The following ACADVL variants were observed in gnomAD, a reference collection of about 807,000 sequenced individuals.
The protein encoded by ACADVL is very long-chain acyl-CoA dehydrogenase, mitochondrial.
Under a neutral mutation model 80.4 loss-of-function variants are expected in ACADVL, and 73 were observed. The ratio of observed to expected loss-of-function variants is 0.91; its 90% confidence interval spans 0.75 to 1.10. The LOEUF is 1.10. ACADVL is among the 50% of genes least tolerant of loss of function. ACADVL has a pLI of 0.00. For missense variants in ACADVL, 878 were observed against 858.9 expected (o/e 1.02, Z -0.28); for synonymous variants, 392 against 326.5 (o/e 1.20, Z -2.16).
Position 7,220,788 on chromosome 17 carries a change from G to A in ACADVL, c.300G>A (p.Gln100=), listed in dbSNP as rs1268173973. ...YPSVLNEEQT[Q]FLKELVEPVS... ...CAGTGCTCAACGAAGAGCAGACACAGTTTCTTAAAGAGCTGGTGGAGCCTG... is the reference window on the plus strand; with the variant it reads ...CAGTGCTCAACGAAGAGCAGACACAATTTCTTAAAGAGCTGGTGGAGCCTG... Residue 100 remains glutamine (Q), a synonymous_variant, in exon 5 of 20, where the codon CAG becomes CAA. Transcript: ENST00000356839. 6.2e-7 allele frequency: 1 copy of A among 1,614,144 alleles called. No homozygotes were observed.
Position 7,220,162 on chromosome 17 carries a change from C to G in ACADVL, c.103C>G (p.Pro35Ala). ...TALLGQPRPG[P>A]ARRPYAGGAA... Reference sequence around the variant, plus strand: ...GCTCCTGGGGCAGCCCCGGCCCGGCCCTGCCCGGCGGCCCTATGCCGGGGG... The same window carrying G: ...GCTCCTGGGGCAGCCCCGGCCCGGCGCTGCCCGGCGGCCCTATGCCGGGGG... The change falls in exon 2 of 20, where the codon CCT becomes GCT. Residue 35 changes from proline to alanine, a missense_variant. Pro to Ala is a conservative substitution (Grantham distance 27). Coordinates refer to ENST00000356839, the MANE Select transcript of ACADVL (RefSeq NM_000018.4). The G allele has an allele frequency of 6.5e-7, 1 of 1,540,432 alleles. No individual in the cohort carries two copies.
chr17:7,223,710 A>T lies in ACADVL; in HGVS notation c.1249A>T (p.Ile417Phe). The T allele has an allele frequency of 6.2e-7, 1 of 1,614,132 alleles. No individual in the cohort carries two copies. The highest frequency in any genetic ancestry group is 8.5e-7 in the Non-Finnish European group (1 of 1,180,030). Residue 417 changes from isoleucine to phenylalanine, a missense_variant, in exon 12 of 20, where the codon ATC (isoleucine) becomes TTC (phenylalanine). By Grantham distance (21) the Ile-to-Phe change is conservative. Transcript: ENST00000356839. The part of the protein sequence containing the change: ...GATDFQIEAA[I>F]SKIFGSEAAW... ...CACGGACTTCCAGATAGAGGCCGCCATCAGCAAAATCTTTGGCTCGGTGAG... is the reference window on the plus strand; with the variant it reads ...CACGGACTTCCAGATAGAGGCCGCCTTCAGCAAAATCTTTGGCTCGGTGAG...
chr17:7,222,460 T>C, intron 9 of ACADVL, 158 bp downstream of exon 9: 2 of 1,283,080 alleles, frequency 1.6e-6, no homozygotes, highest in Non-Finnish European at 2.1e-6. Context: ...TGAGCTAAAG[T>C]TTTGGCTCCA....
At chr17:7,222,958 C>A in intron 10 of ACADVL, 93 bp downstream of exon 10, 2 of 1,509,846 alleles carry the variant, frequency 1.3e-6, no homozygotes, top group South Asian at 1.1e-5. Context: ...GCACTCCCTA[C>A]ACTAGAAACT....
chr17:7,217,850 C>T (rs1378735001), upstream of ACADVL: 2 of 1,529,022 alleles, frequency 1.3e-6, no homozygotes, highest in Non-Finnish European at 1.8e-6. Flanking sequence ...AAGGAAGCAT[C>T]TATAGTTGGG....
At chr17:7,222,906 G>A (rs2071300061) in intron 10 of ACADVL, 41 bp downstream of exon 10, 1 of 1,601,404 alleles carries the variant, frequency 6.2e-7, no homozygotes, top group Non-Finnish European at 8.5e-7. Flanking sequence ...CCAAACAGAA[G>A]TCTCACTGTC....
chr17:7,217,604 G>C, upstream of ACADVL: 1 of 1,378,204 alleles, frequency 7.3e-7, no homozygotes, highest in Non-Finnish European at 9.5e-7. Context: ...CCGTGGAGCC[G>C]AAGAGGGAAG....
rs1350421513 is a variant in ACADVL, at chr17:7,224,495, G to A, written c.1621G>A (p.Glu541Lys). The A allele has an allele frequency of 1.2e-6, 2 of 1,613,620 alleles. No homozygotes were observed. Among genetic ancestry groups the A allele is most frequent in the African/African-American group, 1.3e-5 (1 of 74,896 alleles). Residue 541 changes from glutamate (E) to lysine (K), a missense_variant, in exon 17 of 20, where the codon GAG (glutamate) becomes AAG (lysine). Glu to Lys is a moderately conservative substitution (Grantham distance 56). Transcript: ENST00000356839. ...ATCTCTTAAGGCAGTACGGGCTCTG[G>A]AGCAGTTTGCCACTGTGGTGGAGGC... is the stretch of plus-strand genomic sequence containing the variant. ...RSGELAVRALEQFATVVEAKL... is the reference protein window; with the variant it reads ...RSGELAVRALKQFATVVEAKL...
chr17:7,222,671 C>A lies in ACADVL; in HGVS notation c.883C>A (p.Pro295Thr). The A allele has an allele frequency of 1.2e-6, 2 of 1,613,356 alleles. No individual in the cohort carries two copies. Among genetic ancestry groups the A allele is most frequent in the South Asian group, 1.1e-5 (1 of 90,942 alleles). The change falls in exon 10 of 20, where the codon CCC becomes ACC. Residue 295 changes from proline to threonine, a missense_variant. Physicochemically the swap from Pro to Thr is conservative, Grantham distance 38. Coordinates refer to ENST00000356839, the MANE Select transcript of ACADVL (RefSeq NM_000018.4). ...TCCCACACTGCCCTGACACAGTGGGCCCCCTGAGAAGAAGATGGGCATCAA... is the reference window on the plus strand; with the variant it reads ...TCCCACACTGCCCTGACACAGTGGGACCCCTGAGAAGAAGATGGGCATCAA... ...ERGFGGITHG[P>T]PEKKMGIKAS...
Position 7,224,323 on chromosome 17 carries a change from G to T in ACADVL, c.1535G>T (p.Arg512Leu). ...GTCATTCTCCCTCTTCCTCTCAGGC[G>T]GGCAGGGCTGGGCAGCGGCCTGAGT... ...LGEAGKQLRR[R>L]AGLGSGLSLS... is the part of the protein sequence containing the mutation. Residue 512 changes from arginine to leucine, a missense_variant and splice_region_variant, in exon 16 of 20, where the codon CGG becomes CTG. Physicochemically the swap from Arg to Leu is moderately radical, Grantham distance 102. Coordinates refer to ENST00000356839, the MANE Select transcript of ACADVL (RefSeq NM_000018.4). The T allele has an allele frequency of 6.2e-7, 1 of 1,613,788 alleles. No homozygotes were observed.
In ACADVL at chr17:7,224,076, C is replaced by G. The variant is rs748136425; in HGVS notation, c.1434+7C>G. On this transcript the variant is annotated splice_region_variant and intron_variant, in intron 14 of 19. Coordinates refer to ENST00000356839, the MANE Select transcript of ACADVL (RefSeq NM_000018.4). ...GGCTCTGCAGGGCTGTATGGTAAGA[C>G]AGAGAATTGGGTGGGGGTAGAGGTG... The G allele has an allele frequency of 1.9e-6, 3 of 1,613,918 alleles. No homozygotes were observed. Among genetic ancestry groups the G allele is most frequent in the Non-Finnish European group, 1.7e-6 (2 of 1,179,882 alleles).
chr17:7,225,019 C>T lies in ACADVL; in HGVS notation c.1890C>T (p.Leu630=). The T allele has an allele frequency of 6.2e-7, 1 of 1,614,142 alleles. No individual in the cohort carries two copies. Among genetic ancestry groups the T allele is most frequent in the East Asian group, 2.2e-5 (1 of 44,878 alleles). The stretch of plus-strand genomic sequence containing the variant: ...AGTCTGACCCCTGGCAGCAAGAGCT[C>T]TACCGCAACTTCAAAAGCATCTCCA... ...ALQSDPWQQE[L]YRNFKSISKA... Residue 630 remains leucine, a synonymous_variant, in exon 20 of 20, where the codon CTC becomes CTT. Coordinates refer to ENST00000356839, the MANE Select transcript of ACADVL (RefSeq NM_000018.4).
Position 7,220,499 on chromosome 17 carries a change from C to T in ACADVL, c.174C>T (p.Asp58=), listed in dbSNP as rs767548421. Residue 58 remains aspartate, a synonymous_variant, in exon 3 of 20, where the codon GAC becomes GAT. Coordinates refer to ENST00000356839, the MANE Select transcript of ACADVL (RefSeq NM_000018.4). ...ALDKSDSHPS[D]ALTRKKPAKA... is the part of the protein sequence containing the mutation. ...ACAAGTCAGATTCCCACCCCTCTGA[C>T]GCTCTGACCAGGAAAAAACCGGCCA... 1.2e-6 allele frequency: 2 copies of T among 1,614,214 alleles called. No individual in the cohort carries two copies. Among genetic ancestry groups the T allele is most frequent in the South Asian group, 1.1e-5 (1 of 91,086 alleles).
Position 7,220,634 on chromosome 17 carries a change from A to G in ACADVL, c.235A>G (p.Lys79Glu), listed in dbSNP as rs762599719. Residue 79 changes from lysine to glutamate, a missense_variant, in exon 4 of 20, where the codon AAA (lysine) becomes GAA (glutamate). Lys to Glu is a moderately conservative substitution (Grantham distance 56). Coordinates refer to ENST00000356839, the MANE Select transcript of ACADVL (RefSeq NM_000018.4). The part of the protein sequence containing the change: ...ESKSFAVGMF[K>E]GQLTTDQVFP... ...TAAGTCCTTTGCTGTGGGAATGTTCAAAGGCCAGCTCACCACAGATCAGGT... is the reference window on the plus strand; with the variant it reads ...TAAGTCCTTTGCTGTGGGAATGTTCGAAGGCCAGCTCACCACAGATCAGGT... 5 of 1,614,156 alleles carry G rather than the reference A, an allele frequency of 3.1e-6. No homozygotes were observed. Among genetic ancestry groups the G allele is most frequent in the Non-Finnish European group, 3.4e-6 (4 of 1,180,014 alleles).
chr17:7,217,330 G>A, upstream of ACADVL: 1 of 516,390 alleles, frequency 1.9e-6, no homozygotes, highest in Non-Finnish European at 2.7e-6. Flanking sequence ...GGGAGCGTGG[G>A]AGGGAGGGGA....
chr17:7,218,551 C>G, upstream of ACADVL: 1 of 1,560,956 alleles, frequency 6.4e-7, no homozygotes, highest in Non-Finnish European at 8.7e-7. Flanking sequence ...CCAGCAAGGC[C>G]TGGAAGAGGT....
rs772413709 is a variant in ACADVL, at chr17:7,220,196, A to G, written c.137A>G (p.Gln46Arg). 3.9e-6 allele frequency: 6 copies of G among 1,532,450 alleles called. No individual in the cohort carries two copies. Among genetic ancestry groups the G allele is most frequent in the East Asian group, 2.4e-5 (1 of 41,032 alleles). 94.9% of individuals were successfully genotyped at this position (1,532,450 alleles called of 1,614,324 possible). The change falls in exon 2 of 20, where the codon CAG (glutamine) becomes CGG (arginine). Residue 46 changes from glutamine to arginine, a missense_variant and splice_region_variant. Gln to Arg is a conservative substitution (Grantham distance 43, BLOSUM62 1). Coordinates refer to ENST00000356839, the MANE Select transcript of ACADVL (RefSeq NM_000018.4). ...CGGCCCTATGCCGGGGGTGCCGCTCAGGTAAGTCACCGCAGCCTTGGCAAG... is the reference window on the plus strand; with the variant it reads ...CGGCCCTATGCCGGGGGTGCCGCTCGGGTAAGTCACCGCAGCCTTGGCAAG... ...ARRPYAGGAA[Q>R]LALDKSDSHP...
rs2142979945 is a variant in ACADVL, at chr17:7,222,697, G to A, written c.909G>A (p.Lys303=). ...HGPPEKKMGI[K]ASNTAEVFFD... Reference sequence around the variant, plus strand: ...CCCCTGAGAAGAAGATGGGCATCAAGGCTTCAAACACAGCAGAGGTGTTCT... The same window carrying A: ...CCCCTGAGAAGAAGATGGGCATCAAAGCTTCAAACACAGCAGAGGTGTTCT... Residue 303 remains lysine, a synonymous_variant, in exon 10 of 20, where the codon AAG becomes AAA. Coordinates refer to ENST00000356839, the MANE Select transcript of ACADVL (RefSeq NM_000018.4). 1 of 1,614,106 alleles carries A rather than the reference G, an allele frequency of 6.2e-7. No homozygotes were observed. The highest frequency in any genetic ancestry group is 8.5e-7 in the Non-Finnish European group (1 of 1,180,010).
upstream of ACADVL, chr17:7,218,364 G>T: frequency 6.7e-7 from 1 of 1,493,764 alleles, no homozygotes; most frequent in Non-Finnish European, 9.2e-7. Context: ...CTGCTGGCTG[G>T]CTGGCAAGGG....
Sources: gnomAD v4.1 joint callset for allele counts on GRCh38, gnomAD v4.1.1 for gene constraint, MANE v1.5 for transcripts, NCBI Gene and HGNC (gene_info 2026-07-23, HGNC 2026-07-21) for gene names.